PTBP3: variants seen among roughly 807,000 people sequenced by gnomAD.
PTBP3 encodes the protein polypyrimidine tract binding protein 3.
Under a neutral mutation model 58.7 loss-of-function variants are expected in PTBP3, and 20 were observed. The ratio of observed to expected loss-of-function variants is 0.34; its 90% CI spans 0.24 to 0.50. The LOEUF (loss-of-function observed/expected upper bound fraction) is 0.50, where lower values mean the gene tolerates loss of function less well. Ranked by LOEUF, PTBP3 falls within the 20% of genes least tolerant of loss-of-function variation. PTBP3 has a pLI of 0.98. For synonymous variants in PTBP3, 185 were observed against 219.8 expected, an observed-to-expected ratio of 0.84 and a Z score of 1.40; for missense variants, 509 against 637.2, an observed-to-expected ratio of 0.80 and a Z score of 2.17.
At chr9:112,308,861 A>C (rs1829352864) in intron 1 of PTBP3, among the ~76,000 whole-genome samples, 1 of 152,168 alleles carries the variant, frequency 6.6e-6, no homozygotes, top group African/African-American at 2.4e-5. Context: ...GTCAGCACAC[A>C]ATCAGCTTTA....
intron 1 of PTBP3, 65 bp from the exon 2 acceptor site, chr9:112,297,981 A>G (rs1828766446): frequency 7.8e-7 from 1 of 1,277,236 alleles, no homozygotes; most frequent in Non-Finnish European, 1.1e-6. Context: ...TATTTACTAA[A>G]AGTATTAAAA....
chr9:112,237,474 T>G (rs1317126050), intron 7 of PTBP3, among the ~76,000 whole-genome samples: 1 of 152,204 alleles, frequency 6.6e-6, no homozygotes, highest in African/African-American at 2.4e-5. Flanking sequence ...AATCAGTTTA[T>G]CACAGTGTTA....
chr9:112,364,062 T>A, the PTBP3 span, among the ~76,000 whole-genome samples: 1 of 152,104 alleles, frequency 6.6e-6, no homozygotes, highest in Non-Finnish European at 1.5e-5. Context: ...TTTTGCCTCT[T>A]CAGAATGTCA....
chr9:112,263,968 C>T (rs940729663), intron 4 of PTBP3, among the ~76,000 whole-genome samples: 1 of 150,742 alleles, frequency 6.6e-6, no homozygotes, highest in African/African-American at 2.4e-5. Flanking sequence ...GGCCACAGAG[C>T]AAGGTGCTGT....
At chr9:112,305,868 A>C (rs1829174713) in intron 1 of PTBP3, among the ~76,000 whole-genome samples, 1 of 152,168 alleles carries the variant, frequency 6.6e-6, no homozygotes, top group African/African-American at 2.4e-5. Flanking sequence ...TGATCCCAGG[A>C]GGCGGAGCTT....
chr9:112,287,334 G>GTTTTTTT (rs34426952), intron 2 of PTBP3, among the ~76,000 whole-genome samples: 13 of 96,078 alleles, frequency 1.4e-4, no homozygotes, highest in East Asian at 5.9e-4. Flanking sequence ...TTCTTTTTCA[G>GTTTTTTT]TTTTTTGTTT....
rs190579168 is a variant in PTBP3, at chr9:112,330,180, A to C, written c.-52+3290T>G. Among the ~76,000 whole-genome samples the C allele has an allele frequency of 1.5e-3, 236 of 152,262 alleles. 1 individual carries two copies. Among genetic ancestry groups the C allele is most frequent in the African/African-American group, 5.5e-3 (229 of 41,558 alleles). Reference sequence around the variant, plus strand: ...AAGCCTAGGCTACATTTAACTGCTAAAACAAAGCAAACAAAAAGCATCCTG... The same window carrying C: ...AAGCCTAGGCTACATTTAACTGCTACAACAAAGCAAACAAAAAGCATCCTG... On this transcript the variant is annotated intron_variant, in intron 1 of 13. Coordinates refer to ENST00000374257, the MANE Select transcript of PTBP3 (RefSeq NM_001163788.4).
chr9:112,240,107 A>G (rs1359026547), intron 7 of PTBP3, among the ~76,000 whole-genome samples: 2 of 152,196 alleles, frequency 1.3e-5, no homozygotes, highest in Non-Finnish European at 2.9e-5. Flanking sequence ...GCACAAAAAA[A>G]GATTTGTCAA....
At chr9:112,359,212 G>A in the PTBP3 span, among the ~76,000 whole-genome samples, 1 of 150,244 alleles carries the variant, frequency 6.7e-6, no homozygotes, top group Admixed American at 6.6e-5. Flanking sequence ...AGGCCGAGGT[G>A]AGCGGATCAC....
intron 4 of PTBP3, among the ~76,000 whole-genome samples, chr9:112,265,656 C>A (rs533426321): frequency 6.6e-6 from 1 of 152,268 alleles, no homozygotes; most frequent in African/African-American, 2.4e-5. Context: ...GCAGCACACA[C>A]ATGAGGGTAG....
chr9:112,307,467 A>G (rs1245910782), intron 1 of PTBP3, among the ~76,000 whole-genome samples: 2 of 152,174 alleles, frequency 1.3e-5, no homozygotes, highest in African/African-American at 4.8e-5. Flanking sequence ...AAAAAATAAA[A>G]AAGATAAATA....
chr9:112,224,068 C>G, intron 13 of PTBP3, 65 bp downstream of exon 13: 1 of 1,550,396 alleles, frequency 6.4e-7, no homozygotes, highest in South Asian at 1.2e-5. Context: ...CTTCACTGAA[C>G]TACCTTTAAA....
chr9:112,372,110 T>TG, the PTBP3 span, among the ~76,000 whole-genome samples: 1 of 152,230 alleles, frequency 6.6e-6, no homozygotes, highest in South Asian at 2.1e-4. Flanking sequence ...TCTTATTCTG[T>TG]CACCAAGGCT....
At chr9:112,331,968 T>G (rs1255721707) in intron 1 of PTBP3, among the ~76,000 whole-genome samples, 1 of 152,196 alleles carries the variant, frequency 6.6e-6, no homozygotes, top group East Asian at 1.9e-4. Flanking sequence ...CTACACATAA[T>G]GAAATGCTAA....
chr9:112,316,555 A>C (rs879299802), intron 1 of PTBP3, among the ~76,000 whole-genome samples: 1 of 152,214 alleles, frequency 6.6e-6, no homozygotes, highest in Non-Finnish European at 1.5e-5. Flanking sequence ...CAGAAAACCC[A>C]AGTAACCCAC....
chr9:112,224,285 A>T, intron 12 of PTBP3, 75 bp from the exon 13 acceptor site: 1 of 882,304 alleles, frequency 1.1e-6, no homozygotes, highest in South Asian at 1.9e-5. Flanking sequence ...TGCAATCATC[A>T]AATCTCTAGA....
At chr9:112,336,967 A>T (rs1376420226), upstream of PTBP3, among the ~76,000 whole-genome samples, 2 of 152,204 alleles carry the variant, frequency 1.3e-5, no homozygotes. Context: ...GTTTACAACA[A>T]AAAAGGTGAA....
intron 5 of PTBP3, among the ~76,000 whole-genome samples, chr9:112,259,682 T>G (rs1224236238): frequency 6.6e-6 from 1 of 152,190 alleles, no homozygotes; most frequent in Non-Finnish European, 1.5e-5. Flanking sequence ...AAAGGAACAT[T>G]AGTTTCTATA....
chr9:112,289,792 TATATAC>T (rs1462510317), intron 2 of PTBP3, among the ~76,000 whole-genome samples: 1 of 152,198 alleles, frequency 6.6e-6, no homozygotes, highest in African/African-American at 2.4e-5. Flanking sequence ...TGTGTGTGTA[TATATAC>T]ATATATATAA....
Sources: allele counts gnomAD v4.1 joint callset (sites outside exome capture counted in the v4.1 genomes callset), GRCh38; gene constraint gnomAD v4.1.1; transcripts MANE v1.5; gene names NCBI Gene and HGNC (gene_info 2026-07-23, HGNC 2026-07-21).